The following WDR26 variants were observed in gnomAD, a reference collection of about 807,000 sequenced individuals.
The protein encoded by WDR26 is WD repeat-containing protein 26.
WDR26 carries 5 observed loss-of-function variants against 84.1 expected under a neutral mutation model. The ratio of observed to expected loss-of-function variants is 0.06; its 90% confidence interval spans 0.03 to 0.13. The LOEUF is 0.13. WDR26 is among the 10% of genes least tolerant of loss of function. The probability of loss-of-function intolerance (pLI) is 1.00; values close to 1 mark genes in which losing one functional copy is unlikely to be tolerated. For synonymous variants in WDR26, 415 were observed against 389.6 expected (o/e 1.07, Z -0.77); for missense variants, 642 against 974.9 (o/e 0.66, Z 4.55).
At chr1:224,429,204 T>C (rs1311817416) in intron 3 of WDR26, 1 of 150,270 alleles carries the variant, frequency 6.7e-6, no homozygotes, top group Non-Finnish European at 1.5e-5. Context: ...GAGGTTGCAG[T>C]GAGCCGAGAT....
intron 8 of WDR26, among the ~76,000 whole-genome samples, chr1:224,402,623 T>C (rs1301891954): frequency 1.3e-5 from 2 of 152,194 alleles, no homozygotes; most frequent in African/African-American, 4.8e-5. Flanking sequence ...ACAAAGGCAC[T>C]CTACATTAAA....
In WDR26 at chr1:224,408,633, C is replaced by CTTT. The variant is rs67639407; in HGVS notation, c.1458+2791_1458+2793dup. 4.7e-3 allele frequency among the ~76,000 whole-genome samples: 543 copies of CTTT among 115,760 alleles called. 16 individuals are homozygous for CTTT. The highest frequency in any genetic ancestry group is 0.013 in the African/African-American group (412 of 32,058). 75.9% of individuals were successfully genotyped at this position (115,760 alleles called of 152,430 possible). On this transcript the variant is annotated intron_variant, in intron 7 of 13. Transcript: ENST00000414423. ...CCACTCTGCCATTACTCATCCCATTCTTTTTTTTTTTTTTTTTTTGGAGTT... is the reference window on the plus strand; with the variant it reads ...CCACTCTGCCATTACTCATCCCATTCTTTTTTTTTTTTTTTTTTTTTTGGAGTT...
At chr1:224,402,428 CTTA>C (rs1311160015) in intron 8 of WDR26, among the ~76,000 whole-genome samples, 7 of 152,100 alleles carry the variant, frequency 4.6e-5, no homozygotes, top group Admixed American at 3.9e-4. Context: ...TTTGTCTTCT[CTTA>C]TTATGCTCTA....
intron 6 of WDR26, among the ~76,000 whole-genome samples, chr1:224,413,649 A>G (rs989199994): frequency 2.0e-5 from 3 of 152,228 alleles, no homozygotes; most frequent in Admixed American, 6.5e-5. Context: ...TATAAAACTG[A>G]TAAGTAATTG....
Position 224,434,746 on chromosome 1 carries a change from C to G in WDR26, c.-341G>C. 1.0e-6 allele frequency: 1 copy of G among 987,012 alleles called. No individual in the cohort carries two copies. Among genetic ancestry groups the G allele is most frequent in the Non-Finnish European group, 1.2e-6 (1 of 831,066 alleles). 61.1% of individuals were successfully genotyped at this position (987,012 alleles called of 1,614,324 possible). A position where few individuals can be genotyped will look rare whatever the true frequency, so the allele number is the denominator to read the frequency against. ...CAGCTGCCGCCTCTGTCCTCGGATC[C>G]GCTCCGCTCTGCTCCCTGGTGTGTT... is the stretch of plus-strand genomic sequence containing the variant. On this transcript the variant is annotated 5_prime_UTR_variant, in exon 1 of 14. Transcript: ENST00000414423.
chr1:224,404,036 T>C (rs1673489898), intron 8 of WDR26, among the ~76,000 whole-genome samples: 1 of 152,220 alleles, frequency 6.6e-6, no homozygotes, highest in African/African-American at 2.4e-5. Context: ...GTATATTAAA[T>C]ATAGGCAAGG....
chr1:224,427,773 T>C (rs1182980109), intron 3 of WDR26, among the ~76,000 whole-genome samples: 1 of 152,132 alleles, frequency 6.6e-6, no homozygotes, highest in Non-Finnish European at 1.5e-5. Context: ...AAACTGTATT[T>C]TACCTCCCAA....
chr1:224,395,291 G>A (rs1222422741), intron 12 of WDR26, among the ~76,000 whole-genome samples: 1 of 152,200 alleles, frequency 6.6e-6, no homozygotes, highest in Non-Finnish European at 1.5e-5. Flanking sequence ...TACAGGTGAT[G>A]GTTCTTGAAC....
chr1:224,404,890 A>G (rs1480834949), intron 7 of WDR26, among the ~76,000 whole-genome samples: 1 of 152,220 alleles, frequency 6.6e-6, no homozygotes, highest in Non-Finnish European at 1.5e-5. Flanking sequence ...GCAACTGAAA[A>G]CAGATGGGTA....
At position 224,424,562 on chromosome 1, in the gene WDR26, C is replaced by T; in HGVS notation, c.1020G>A (p.Leu340=). ...GCTCTGTATTGTATTTCAGCGGCGT[C>T]AATTCACAGCGTAGAACTTGAAGTG... The change falls in exon 4 of 14, where the codon TTG becomes TTA. Residue 340 remains leucine, a synonymous_variant. Coordinates refer to ENST00000414423, the MANE Select transcript of WDR26 (RefSeq NM_001379403.1). 1 of 1,614,084 alleles carries T rather than the reference C, an allele frequency of 6.2e-7. No individual in the cohort carries two copies. Among genetic ancestry groups the T allele is most frequent in the Non-Finnish European group, 8.5e-7 (1 of 1,179,948 alleles).
In WDR26 at chr1:224,398,517, G is replaced by C; in HGVS notation, c.1942C>G (p.Gln648Glu). The change falls in exon 11 of 14, where the codon CAG (glutamine) becomes GAG (glutamate). Residue 648 changes from glutamine (Q) to glutamate (E), a missense_variant and splice_region_variant. By Grantham distance (29) the Gln-to-Glu change is conservative. Coordinates refer to ENST00000414423, the MANE Select transcript of WDR26 (RefSeq NM_001379403.1). ...GAAAATTATACTAATAAACATACCT[G>C]AGTTGCTACATTTAACAAAGCTAAT... 1 of 1,606,566 alleles carries C rather than the reference G, an allele frequency of 6.2e-7. No individual in the cohort carries two copies.
chr1:224,407,151 A>AATATATATATATATATATAT (rs1335487396), intron 7 of WDR26, among the ~76,000 whole-genome samples: 161 of 11,840 alleles, frequency 0.014, 3 homozygotes, highest in Admixed American at 0.015. Flanking sequence ...AAAAAAAAAA[A>AATATATATATATATATATAT]ATATATATAT....
intron 7 of WDR26, among the ~76,000 whole-genome samples, chr1:224,407,151 A>AAAAAAAAAAAAAAATATATAT: frequency 8.4e-5 from 1 of 11,866 alleles, no homozygotes; most frequent in Non-Finnish European, 1.4e-4. Flanking sequence ...AAAAAAAAAA[A>AAAAAAAAAAAAAAATATATAT]ATATATATAT....
intron 12 of WDR26, among the ~76,000 whole-genome samples, chr1:224,397,155 A>G (rs565357355): frequency 6.6e-6 from 1 of 152,092 alleles, no homozygotes; most frequent in Non-Finnish European, 1.5e-5. Flanking sequence ...GATTCAGTAT[A>G]TATTTTTTTA....
intron 12 of WDR26, 52 bp downstream of exon 12, chr1:224,398,045 G>C: frequency 4.4e-6 from 7 of 1,580,528 alleles, no homozygotes; most frequent in Non-Finnish European, 6.0e-6. Flanking sequence ...CATAAATTGA[G>C]ATTTACAGAC....
chr1:224,425,494 T>G (rs564989163), intron 3 of WDR26, among the ~76,000 whole-genome samples: 3 of 152,366 alleles, frequency 2.0e-5, no homozygotes, highest in Admixed American at 2.0e-4. Context: ...CACTTTCACA[T>G]TTAGTTTTTT....
chr1:224,407,122 TAAAAAAAAAAAAAA>T (rs1158264938), intron 7 of WDR26, among the ~76,000 whole-genome samples: 2 of 11,678 alleles, frequency 1.7e-4, no homozygotes, highest in African/African-American at 5.8e-4. Context: ...ACTCTGTCTT[TAAAAAAAAAAAAAA>T]AAAAAAAAAA....
In WDR26 at chr1:224,434,575, C is replaced by G. The variant is rs1214473474; in HGVS notation, c.-170G>C. ...AGAAGGAGGATCCGGGCCCTTTCCCCCCCCCCTCCCGGAGGCAGCTCGGGG... is the reference window on the plus strand; with the variant it reads ...AGAAGGAGGATCCGGGCCCTTTCCCGCCCCCCTCCCGGAGGCAGCTCGGGG... On this transcript the variant is annotated 5_prime_UTR_variant, in exon 1 of 14. Coordinates refer to ENST00000414423, the MANE Select transcript of WDR26 (RefSeq NM_001379403.1). 8.5e-6 allele frequency: 4 copies of G among 471,184 alleles called. No homozygotes were observed. Among genetic ancestry groups the G allele is most frequent in the Admixed American group, 6.6e-5 (1 of 15,082 alleles). 29.2% of individuals were successfully genotyped at this position (471,184 alleles called of 1,614,324 possible). A position where few individuals can be genotyped will look rare whatever the true frequency, so the allele number is the denominator to read the frequency against.
intron 12 of WDR26, among the ~76,000 whole-genome samples, chr1:224,395,035 C>T (rs1332718211): frequency 1.3e-5 from 2 of 152,060 alleles, no homozygotes; most frequent in African/African-American, 4.8e-5. Flanking sequence ...AACGAATCTT[C>T]AAAAAACTAG....
Sources: allele counts gnomAD v4.1 joint callset (sites outside exome capture counted in the v4.1 genomes callset), GRCh38; gene constraint gnomAD v4.1.1; transcripts MANE v1.5; gene names NCBI Gene and HGNC (gene_info 2026-07-23, HGNC 2026-07-21).